The following MACROD2 variants were observed in gnomAD, a reference collection of about 807,000 sequenced individuals.
MACROD2 encodes the protein mono-ADP ribosylhydrolase 2.
Under a neutral mutation model 70.4 loss-of-function variants are expected in MACROD2, and 36 were observed. The ratio of observed to expected loss-of-function variants is 0.51; its 90% CI spans 0.39 to 0.68. The LOEUF (loss-of-function observed/expected upper bound fraction) is 0.68, where lower values mean the gene tolerates loss of function less well. Ranked by LOEUF, MACROD2 falls within the 30% of genes least tolerant of loss-of-function variation. MACROD2 has a pLI of 0.00. For missense variants in MACROD2, 496 were observed against 538.4 expected (o/e 0.92, Z 0.78); for synonymous variants, 172 against 178.8 (o/e 0.96, Z 0.30).
chr20:14,868,497 A>G (rs1291145098), intron 5 of MACROD2, among the ~76,000 whole-genome samples: 1 of 152,050 alleles, frequency 6.6e-6, no homozygotes, highest in Non-Finnish European at 1.5e-5. Flanking sequence ...TTCTAGTTCC[A>G]TACTATTGGC....
intron 5 of MACROD2, among the ~76,000 whole-genome samples, chr20:15,112,062 T>G (rs941934011): frequency 1.3e-5 from 2 of 152,204 alleles, no homozygotes; most frequent in African/African-American, 4.8e-5. Context: ...ATACCACCCC[T>G]CTATTGTTCT....
chr20:14,465,513 G>T (rs1248674597), intron 3 of MACROD2, among the ~76,000 whole-genome samples: 1 of 151,978 alleles, frequency 6.6e-6, no homozygotes, highest in African/African-American at 2.4e-5. Flanking sequence ...GCTTTTAATT[G>T]GAGTATTTAG....
intron 8 of MACROD2, among the ~76,000 whole-genome samples, chr20:15,580,020 T>C (rs2048502538): frequency 1.3e-5 from 2 of 152,214 alleles, no homozygotes; most frequent in South Asian, 4.1e-4. Flanking sequence ...GAGAAGATAA[T>C]TTTTATCACT....
chr20:15,708,068 G>T (rs1056420136), intron 8 of MACROD2, among the ~76,000 whole-genome samples: 1 of 151,570 alleles, frequency 6.6e-6, no homozygotes, highest in Non-Finnish European at 1.5e-5. Flanking sequence ...GAGGAGCTCT[G>T]CACTTCTGCC....
At chr20:14,830,073 A>G (rs1369718613) in intron 5 of MACROD2, among the ~76,000 whole-genome samples, 3 of 152,096 alleles carry the variant, frequency 2.0e-5, no homozygotes, top group Admixed American at 2.0e-4. Flanking sequence ...ATTCATAACC[A>G]TTGTTGATGC....
At chr20:15,168,639 A>G (rs1180453682) in intron 5 of MACROD2, among the ~76,000 whole-genome samples, 1 of 152,166 alleles carries the variant, frequency 6.6e-6, no homozygotes, top group Non-Finnish European at 1.5e-5. Context: ...TGGCAGATGA[A>G]TGGATAAACA....
At chr20:15,628,052 T>G (rs2049232384) in intron 8 of MACROD2, among the ~76,000 whole-genome samples, 1 of 152,130 alleles carries the variant, frequency 6.6e-6, no homozygotes, top group Non-Finnish European at 1.5e-5. Flanking sequence ...TTGCAGAAAC[T>G]TATCCTGAGT....
chr20:15,553,311 G>T (rs1217864324), intron 8 of MACROD2, among the ~76,000 whole-genome samples: 1 of 152,146 alleles, frequency 6.6e-6, no homozygotes, highest in Non-Finnish European at 1.5e-5. Flanking sequence ...TCAGATTGGG[G>T]CATGCTATGC....
At chr20:14,200,215 A>G (rs927087980) in intron 3 of MACROD2, among the ~76,000 whole-genome samples, 1 of 152,226 alleles carries the variant, frequency 6.6e-6, no homozygotes, top group Non-Finnish European at 1.5e-5. Context: ...CAACATGATC[A>G]TGTCCTTTGC....
At chr20:14,838,846 C>T (rs148979652) in intron 5 of MACROD2, among the ~76,000 whole-genome samples, 95 of 152,210 alleles carry the variant, frequency 6.2e-4, no homozygotes, top group African/African-American at 2.1e-3. Flanking sequence ...TACTCCCACC[C>T]TTTGCCACCT....
intron 6 of MACROD2, among the ~76,000 whole-genome samples, chr20:15,233,582 A>G (rs1481454903): frequency 2.6e-5 from 4 of 152,086 alleles, no homozygotes; most frequent in Non-Finnish European, 4.4e-5. Flanking sequence ...TTATTAACTT[A>G]GGGGAAAAAA....
intron 4 of MACROD2, among the ~76,000 whole-genome samples, chr20:14,632,234 A>T (rs1191154012): frequency 6.6e-6 from 1 of 152,174 alleles, no homozygotes; most frequent in Non-Finnish European, 1.5e-5. Context: ...TCTGGCAAAA[A>T]TCAGTCCTTC....
At chr20:15,671,035 C>T (rs2049973202) in intron 8 of MACROD2, among the ~76,000 whole-genome samples, 1 of 152,160 alleles carries the variant, frequency 6.6e-6, no homozygotes, top group Admixed American at 6.5e-5. Context: ...TTTAATGTAG[C>T]TCATGATCTG....
chr20:15,747,549 AT>A (rs1477632400), intron 8 of MACROD2, among the ~76,000 whole-genome samples: 1 of 152,076 alleles, frequency 6.6e-6, no homozygotes, highest in Non-Finnish European at 1.5e-5. Flanking sequence ...TTTAAATAGT[AT>A]TGTTATGTTT....
At chr20:15,308,827 CT>C (rs2077723788) in intron 6 of MACROD2, among the ~76,000 whole-genome samples, 1 of 152,190 alleles carries the variant, frequency 6.6e-6, no homozygotes, top group African/African-American at 2.4e-5. Context: ...CTACTCAGAG[CT>C]CAGCAACTCC....
chr20:14,694,701 A>G (rs1165984730), intron 5 of MACROD2, among the ~76,000 whole-genome samples: 1 of 152,198 alleles, frequency 6.6e-6, no homozygotes, highest in Non-Finnish European at 1.5e-5. Flanking sequence ...TATGTGCAAC[A>G]GTGACTGGTG....
chr20:14,891,748 A>G (rs2073763331), intron 5 of MACROD2, among the ~76,000 whole-genome samples: 1 of 152,162 alleles, frequency 6.6e-6, no homozygotes, highest in South Asian at 2.1e-4. Context: ...TGTATTTGAG[A>G]AATTCAGTAG....
intron 8 of MACROD2, among the ~76,000 whole-genome samples, chr20:15,540,267 A>G (rs2047937973): frequency 6.6e-6 from 1 of 152,198 alleles, no homozygotes; most frequent in Non-Finnish European, 1.5e-5. Flanking sequence ...ATGTCAATCT[A>G]CAGAGTTAAG....
intron 5 of MACROD2, among the ~76,000 whole-genome samples, chr20:14,994,803 G>C (rs2423910): frequency 0.021 from 3,248 of 151,878 alleles, 68 homozygotes; most frequent in Admixed American, 0.047. Flanking sequence ...GTCAATGAAT[G>C]TAGTAATTAC....
Sources: allele counts gnomAD v4.1 joint callset (sites outside exome capture counted in the v4.1 genomes callset), GRCh38; gene constraint gnomAD v4.1.1; transcripts MANE v1.5; gene names NCBI Gene and HGNC (gene_info 2026-07-23, HGNC 2026-07-21).